The following LAMB1 variants were observed in gnomAD, a reference collection of about 807,000 sequenced individuals.
LAMB1 encodes the protein laminin subunit beta-1.
LAMB1 carries 121 observed loss-of-function variants against 222.3 expected under a neutral mutation model. The ratio of observed to expected loss-of-function variants is 0.54; its 90% confidence interval spans 0.47 to 0.63. The LOEUF (loss-of-function observed/expected upper bound fraction) is 0.63. Ranked by LOEUF, LAMB1 falls within the 30% of genes least tolerant of loss-of-function variation. The pLI is 0.00. For synonymous variants in LAMB1, 794 were observed against 807.2 expected (o/e 0.98, Z 0.28); for missense variants, 2,172 against 2,240.8 (o/e 0.97, Z 0.62).
At position 107,923,990 on chromosome 7, in the gene LAMB1, A is replaced by ATCC. The variant is rs2032492037; in HGVS notation, c.5319_5321dup (p.Lys1773_Asp1774insGlu). 3.1e-6 allele frequency: 5 copies of ATCC among 1,609,266 alleles called. No homozygotes were observed. Among genetic ancestry groups the ATCC allele is most frequent in the Non-Finnish European group, 4.2e-6 (5 of 1,178,832 alleles). ...TATACACAGCAACTTTCTGGCTTATATCCTTTAGGAGTGAACGGACTTCTC... is the reference window on the plus strand; with the variant it reads ...TATACACAGCAACTTTCTGGCTTATATCCTCCTTTAGGAGTGAACGGACTTCTC... On this transcript the variant is annotated inframe_insertion, in exon 34 of 34. Coordinates refer to ENST00000222399, the MANE Select transcript of LAMB1 (RefSeq NM_002291.3).
rs2032654159 is a variant in LAMB1, at chr7:107,929,496, AGGCTTTCAACTCGTTCAC to A, written c.4643_4660del (p.Arg1548_Ser1553del). On this transcript the variant is annotated inframe_deletion, in exon 30 of 34. Transcript: ENST00000222399. ...CTGAAGAATAACCTCTACTTGAGAA[AGGCTTTCAACTCGTTCAC>A]GTATATCTTCTGTCAAGTTCTGTAA... 1.9e-6 allele frequency: 3 copies of A among 1,614,054 alleles called. No individual in the cohort carries two copies. The South Asian group carries it at 3.3e-5, about 18-fold the overall frequency.
chr7:107,961,504 T>G, intron 16 of LAMB1, 45 bp downstream of exon 16: 1 of 1,595,870 alleles, frequency 6.3e-7, no homozygotes, highest in Middle Eastern at 1.7e-4. Context: ...AAATACTAAT[T>G]TGCATATGAA....
chr7:107,977,770 A>G (rs559533983), intron 9 of LAMB1, among the ~76,000 whole-genome samples: 2 of 152,206 alleles, frequency 1.3e-5, no homozygotes, highest in South Asian at 2.1e-4. Context: ...AAAAAAAACC[A>G]AAAAACAAAA....
intron 5 of LAMB1, among the ~76,000 whole-genome samples, chr7:107,993,277 G>A (rs979238577): frequency 6.6e-6 from 1 of 152,166 alleles, no homozygotes; most frequent in Non-Finnish European, 1.5e-5. Context: ...GGGACTACAG[G>A]CGCGTGCCAC....
In LAMB1 at chr7:107,978,067, C is replaced by A. The variant is rs1016700432; in HGVS notation, c.980G>T (p.Arg327Leu). 6.2e-7 allele frequency: 1 copy of A among 1,614,134 alleles called. No homozygotes were observed. Among genetic ancestry groups the A allele is most frequent in the Non-Finnish European group, 8.5e-7 (1 of 1,180,024 alleles). ...CTTACTTTTACAGGCGTTGCTGTTT[C>A]GGCCTTCAGCAGGTCTCCAAGGTAA... ...HDLPWRPAEG[R>L]NSNACKKCNC... Residue 327 changes from arginine to leucine, a missense_variant, in exon 9 of 34, where the codon CGA becomes CTA. Transcript: ENST00000222399.
At position 107,998,325 on chromosome 7, in the gene LAMB1, C is replaced by G. The variant is rs772399163; in HGVS notation, c.349+32G>C. ...CTCCACCCAAGTTATCAATCACACT[C>G]AACGGAACTTGTCCCCACACCAACC... is the stretch of plus-strand genomic sequence containing the variant. On this transcript the variant is annotated intron_variant, in intron 4 of 33. Transcript: ENST00000222399. 7 of 1,611,134 alleles carry G rather than the reference C, an allele frequency of 4.3e-6. No homozygotes were observed. In the South Asian group the frequency reaches 6.6e-5, roughly 15 times the overall value.
In LAMB1 at chr7:107,994,878, A is replaced by T. The variant is rs1388666560; in HGVS notation, c.423+9T>A. 14 of 1,526,516 alleles carry T rather than the reference A, an allele frequency of 9.2e-6. No individual in the cohort carries two copies. The highest frequency in any genetic ancestry group is 1.3e-5 in the Non-Finnish European group (14 of 1,101,850). 94.6% of individuals were successfully genotyped at this position (1,526,516 alleles called of 1,614,324 possible). A position where few individuals can be genotyped will look rare whatever the true frequency, so the allele number is the denominator to read the frequency against. ...TGTGTCATTTGTGAGAAAGTCATGG[A>T]TTTCTTACCTTGAAAGTCATTATGA... On this transcript the variant is annotated intron_variant, in intron 5 of 33. Transcript: ENST00000222399.
chr7:107,950,431 A>C (rs2033217416), intron 24 of LAMB1, among the ~76,000 whole-genome samples: 1 of 152,234 alleles, frequency 6.6e-6, no homozygotes, highest in South Asian at 2.1e-4. Flanking sequence ...TTTTGACTTT[A>C]AGATCTGAAA....
chr7:107,954,816 C>T (rs1478551897), intron 21 of LAMB1, among the ~76,000 whole-genome samples: 1 of 151,978 alleles, frequency 6.6e-6, no homozygotes, highest in East Asian at 1.9e-4. Flanking sequence ...CAAAGAATTA[C>T]AGAAACTGAA....
Position 108,003,004 on chromosome 7 carries a change from A to C in LAMB1, c.-86-33T>G, listed in dbSNP as rs974510782. Reference sequence around the variant, plus strand: ...GGTGGAAAGGAGGGGAAAAAAGGCAAATGTTCAAAGAGAGAAGAGGCGCCC... The same window carrying C: ...GGTGGAAAGGAGGGGAAAAAAGGCACATGTTCAAAGAGAGAAGAGGCGCCC... On this transcript the variant is annotated intron_variant, in intron 1 of 33. Coordinates refer to ENST00000222399, the MANE Select transcript of LAMB1 (RefSeq NM_002291.3). 6 of 1,552,460 alleles carry C rather than the reference A, an allele frequency of 3.9e-6. No individual in the cohort carries two copies. In the African/African-American group the frequency reaches 8.3e-5, roughly 22 times the overall value.
intron 7 of LAMB1, among the ~76,000 whole-genome samples, chr7:107,981,426 C>T (rs904755084): frequency 6.2e-5 from 9 of 145,578 alleles, no homozygotes; most frequent in South Asian, 2.2e-4. Context: ...CCAGCCTGAA[C>T]GACAAGAGCA....
intron 24 of LAMB1, among the ~76,000 whole-genome samples, chr7:107,945,910 T>G (rs574901544): frequency 9.7e-4 from 148 of 152,352 alleles, no homozygotes; most frequent in African/African-American, 3.4e-3. Context: ...CTGAAAAGTT[T>G]GTGCCACTTA....
Position 107,959,386 on chromosome 7 carries a change from A to G in LAMB1, c.2553T>C (p.Cys851=), listed in dbSNP as rs750149930. The G allele has an allele frequency of 5.6e-6, 9 of 1,614,240 alleles. No homozygotes were observed. In the East Asian group the frequency reaches 1.8e-4, roughly 32 times the overall value. Reference sequence around the variant, plus strand: ...CCCAGTGCCCAGGTAAGCACCGATCACACTGCCGAGCATACACTCCCTGGA... The same window carrying G: ...CCCAGTGCCCAGGTAAGCACCGATCGCACTGCCGAGCATACACTCCCTGGA... The part of the protein sequence containing the change: ...HCFQGVYARQ[C]DRCLPGHWGF... The change falls in exon 20 of 34, where the codon TGT becomes TGC. Residue 851 remains cysteine, a synonymous_variant. Transcript: ENST00000222399.
At chr7:107,940,524 T>G (rs1458468386) in intron 24 of LAMB1, 166 bp from the exon 25 acceptor site, 1 of 652,242 alleles carries the variant, frequency 1.5e-6, no homozygotes, top group Non-Finnish European at 2.6e-6. Flanking sequence ...CTCTAGCACA[T>G]GCGTGACTTC....
At chr7:107,989,935 C>T (rs144064705) in intron 5 of LAMB1, among the ~76,000 whole-genome samples, 85 of 152,318 alleles carry the variant, frequency 5.6e-4, no homozygotes, top group African/African-American at 1.9e-3. Flanking sequence ...CCTTTCCATA[C>T]TCTCTGCTTA....
At chr7:107,965,028 G>C (rs1322017879) in intron 13 of LAMB1, among the ~76,000 whole-genome samples, 1 of 152,088 alleles carries the variant, frequency 6.6e-6, no homozygotes, top group Non-Finnish European at 1.5e-5. Flanking sequence ...CAAATATCCA[G>C]CTCCCTGAAG....
chr7:107,950,436 C>G (rs1436436366), intron 24 of LAMB1, among the ~76,000 whole-genome samples: 3 of 152,126 alleles, frequency 2.0e-5, no homozygotes, highest in African/African-American at 7.2e-5. Flanking sequence ...ACTTTAAGAT[C>G]TGAAAAATAA....
chr7:107,940,473 A>G (rs2116354843), intron 24 of LAMB1, 115 bp from the exon 25 acceptor site: 1 of 1,131,052 alleles, frequency 8.8e-7, no homozygotes, highest in Non-Finnish European at 1.2e-6. Context: ...AACCATCGAC[A>G]ACAATTGACC....
At chr7:107,970,027 G>C (rs1286387453) in intron 13 of LAMB1, among the ~76,000 whole-genome samples, 1 of 152,158 alleles carries the variant, frequency 6.6e-6, no homozygotes, top group African/African-American at 2.4e-5. Flanking sequence ...TTGAGTACCT[G>C]CCAGGTCCAC....
Sources: allele counts gnomAD v4.1 joint callset (sites outside exome capture counted in the v4.1 genomes callset), GRCh38; gene constraint gnomAD v4.1.1; transcripts MANE v1.5; gene names NCBI Gene and HGNC (gene_info 2026-07-23, HGNC 2026-07-21).